The following SMURF2 variants were observed in gnomAD, a reference collection of about 807,000 sequenced individuals.
SMURF2 encodes E3 ubiquitin-protein ligase SMURF2.
In SMURF2, 48 loss-of-function variants were observed where a neutral mutation model predicts 109.6. That is an observed-to-expected ratio of 0.44 (90% CI 0.35 to 0.56). The LOEUF (loss-of-function observed/expected upper bound fraction) is 0.56. SMURF2 is among the 20% of genes least tolerant of loss of function. The pLI is 0.01. For missense variants in SMURF2, 575 were observed against 909.0 expected (o/e 0.63, Z 4.72); for synonymous variants, 288 against 317.1 (o/e 0.91, Z 0.97).
rs1418036349 is a variant in SMURF2 at position 64,545,119 on chromosome 17, C to T, written c.*729G>A. 6 of 151,690 alleles carry T rather than the reference C, an allele frequency of 4.0e-5. No homozygotes were observed. Among genetic ancestry groups the T allele is most frequent in the African/African-American group, 1.5e-4 (6 of 41,194 alleles). The allele number at this position is 151,690 out of a possible 1,614,324, so 9.4% of individuals were successfully genotyped here. ...AAAAACAGGGAGCCCCTGAACACAT[C>T]TTATTGTCACAAATAAATGACTAAG... On this transcript the variant is annotated 3_prime_UTR_variant, in exon 19 of 19. Transcript: ENST00000262435.
intron 5 of SMURF2, among the ~76,000 whole-genome samples, chr17:64,586,427 C>G (rs1232400397): frequency 6.6e-6 from 1 of 152,092 alleles, no homozygotes; most frequent in African/African-American, 2.4e-5. Flanking sequence ...AGTAATGGTG[C>G]ATAGCAGAGT....
At chr17:64,595,962 C>G (rs1367037623) in intron 3 of SMURF2, among the ~76,000 whole-genome samples, 2 of 152,028 alleles carry the variant, frequency 1.3e-5, no homozygotes, top group African/African-American at 4.8e-5. Flanking sequence ...CAAAATGGTA[C>G]CCACCAACCA....
intron 9 of SMURF2, among the ~76,000 whole-genome samples, chr17:64,574,931 T>C (rs1568180128): frequency 6.6e-6 from 1 of 151,808 alleles, no homozygotes; most frequent in African/African-American, 2.4e-5. Context: ...ATCATTTAGT[T>C]AAAAAAAATG....
At chr17:64,637,022 C>A (rs1342698743) in intron 1 of SMURF2, among the ~76,000 whole-genome samples, 1 of 151,812 alleles carries the variant, frequency 6.6e-6, no homozygotes, top group Non-Finnish European at 1.5e-5. Flanking sequence ...GAGTTCGAGA[C>A]CAGTCTGGGC....
intron 1 of SMURF2, among the ~76,000 whole-genome samples, chr17:64,631,183 T>G (rs1373409719): frequency 6.9e-6 from 1 of 145,308 alleles, no homozygotes; most frequent in Non-Finnish European, 1.5e-5. Context: ...GTGCCTGTAG[T>G]CCCAGCTACT....
chr17:64,561,555 G>A lies in SMURF2; in HGVS notation c.1261C>T (p.Arg421Ter), dbSNP rs782157707. The stretch of plus-strand genomic sequence containing the variant: ...TCTCCACGAAATTTTATCATTAATC[G>A]CTTCCAGAGATCTTTTGGTCTCATT... ...MKMRPKDLWKRLMIKFRGEEG... is the reference protein window; with the variant it reads ...MKMRPKDLWK Residue 421 changes from arginine (R) to a stop codon, truncating the protein, a stop_gained, in exon 12 of 19, where the codon CGA becomes TGA. Coordinates refer to ENST00000262435, the MANE Select transcript of SMURF2 (RefSeq NM_022739.4). LOFTEE classifies it high-confidence loss of function. The A allele has an allele frequency of 1.9e-6, 3 of 1,613,610 alleles. No individual in the cohort carries two copies. Among genetic ancestry groups the A allele is most frequent in the Non-Finnish European group, 1.7e-6 (2 of 1,179,954 alleles).
intron 3 of SMURF2, among the ~76,000 whole-genome samples, chr17:64,597,205 A>T (rs1969829903): frequency 6.6e-6 from 1 of 152,094 alleles, no homozygotes; most frequent in Non-Finnish European, 1.5e-5. Flanking sequence ...GGAATTCAAG[A>T]CCAGACTGGG....
intron 1 of SMURF2, among the ~76,000 whole-genome samples, chr17:64,651,215 G>GTA (rs151259329): frequency 0.097 from 14,629 of 150,830 alleles, 1,641 homozygotes; most frequent in African/African-American, 0.28. Context: ...ATATTTTTGT[G>GTA]TATATATATA....
rs1185912761 is a variant in SMURF2 at position 64,581,713 on chromosome 17, A to T, written c.570-722T>A. Among the ~76,000 whole-genome samples, 5 of 152,070 alleles carry T rather than the reference A, an allele frequency of 3.3e-5. No homozygotes were observed. The highest frequency in any genetic ancestry group is 1.2e-4 in the African/African-American group (5 of 41,416). On this transcript the variant is annotated intron_variant, in intron 7 of 18. Transcript: ENST00000262435. The surrounding 1 kb of genome is among the most constrained non-coding windows in gnomAD (Gnocchi z 4.3). ...TAATCCCAGCACTTTGGGAGACCGA[A>T]GCGAGCGGATCACTTGAGGTCAGGA...
rs1332815056 is a variant in SMURF2, at chr17:64,594,856, GGCAT to G, written c.201-1287_201-1284del. 7.2e-5 allele frequency among the ~76,000 whole-genome samples: 11 copies of G among 152,208 alleles called. No individual in the cohort carries two copies. The East Asian group carries it at 2.1e-3, about 29-fold the overall frequency. On this transcript the variant is annotated intron_variant, in intron 3 of 18. Coordinates refer to ENST00000262435, the MANE Select transcript of SMURF2 (RefSeq NM_022739.4). ...ACAAAAAAACTTAGCCAGGCACGGTGGCATGCACCTGCAATCCCAGCTACTTGGG... is the reference window on the plus strand; with the variant it reads ...ACAAAAAAACTTAGCCAGGCACGGTGGCACCTGCAATCCCAGCTACTTGGG...
At chr17:64,641,206 G>T (rs1458762912) in intron 1 of SMURF2, among the ~76,000 whole-genome samples, 7 of 151,936 alleles carry the variant, frequency 4.6e-5, no homozygotes, top group African/African-American at 1.7e-4. Context: ...AACTCTTCTA[G>T]AAGCTGCTGA....
intron 3 of SMURF2, among the ~76,000 whole-genome samples, chr17:64,597,567 G>A (rs1340848988): frequency 1.3e-5 from 2 of 152,022 alleles, no homozygotes; most frequent in Non-Finnish European, 2.9e-5. Context: ...GAGGTCAGGA[G>A]TTCGAGACCA....
At chr17:64,564,972 T>C (rs1409841895) in intron 10 of SMURF2, among the ~76,000 whole-genome samples, 2 of 152,244 alleles carry the variant, frequency 1.3e-5, no homozygotes, top group East Asian at 1.9e-4. Flanking sequence ...GTGGTGAATA[T>C]GTTCACTATC....
intron 1 of SMURF2, among the ~76,000 whole-genome samples, chr17:64,624,267 C>T (rs928524491): frequency 1.3e-5 from 2 of 152,016 alleles, no homozygotes; most frequent in African/African-American, 2.4e-5. Context: ...GAGGCTGAGG[C>T]GGGAGGACTG....
At chr17:64,599,551 A>T (rs782239129) in intron 2 of SMURF2, among the ~76,000 whole-genome samples, 29 of 152,184 alleles carry the variant, frequency 1.9e-4, no homozygotes, top group Non-Finnish European at 3.8e-4. Context: ...ACAAAGCAGG[A>T]AGTGAGCGGT....
chr17:64,655,884 G>A (rs1046346733), intron 1 of SMURF2, among the ~76,000 whole-genome samples: 1 of 152,130 alleles, frequency 6.6e-6, no homozygotes, highest in Non-Finnish European at 1.5e-5. Context: ...GACAGAGTGA[G>A]ACTCCGTCTC....
chr17:64,596,052 T>A (rs1167192559), intron 3 of SMURF2, among the ~76,000 whole-genome samples: 1 of 152,068 alleles, frequency 6.6e-6, no homozygotes, highest in Admixed American at 6.6e-5. Flanking sequence ...TTTTTTTTCT[T>A]AACATAAAAT....
intron 9 of SMURF2, among the ~76,000 whole-genome samples, chr17:64,577,141 G>A (rs958843958): frequency 1.2e-4 from 18 of 152,074 alleles, no homozygotes; most frequent in Admixed American, 3.3e-4. Flanking sequence ...ATTCACAATA[G>A]CAAAGACTTG....
intron 1 of SMURF2, chr17:64,660,881 T>C (rs574563442): frequency 2.0e-5 from 3 of 152,222 alleles, no homozygotes; most frequent in African/African-American, 7.2e-5. Flanking sequence ...ATACCAAAAA[T>C]GGCACTGTAA....
Sources: allele counts gnomAD v4.1 joint callset (sites outside exome capture counted in the v4.1 genomes callset), GRCh38; gene constraint gnomAD v4.1.1; non-coding constraint Gnocchi (gnomAD v3.1); transcripts MANE v1.5; gene names NCBI Gene and HGNC (gene_info 2026-07-23, HGNC 2026-07-21).